Variants in LRRC9 observed in about 807,000 individuals in gnomAD.
LRRC9 encodes leucine rich repeat containing 9.
LRRC9 carries 122 observed loss-of-function variants against 63.2 expected under a neutral mutation model. The ratio of observed to expected loss-of-function variants is 1.93; its 90% CI spans 1.67 to 2.24. LRRC9 has a LOEUF of 2.24. Among genes scored for constraint, LRRC9 ranks in the 30% most tolerant of loss-of-function variants. The probability of loss-of-function intolerance (pLI) is 0.00; values close to 1 mark genes in which losing one functional copy is unlikely to be tolerated. For missense variants in LRRC9, 1,071 were observed against 627.7 expected (o/e 1.71, Z -7.55); for synonymous variants, 366 against 213.1 (o/e 1.72, Z -6.25).
At chr14:60,007,155 C>T (rs534127046) in intron 22 of LRRC9, among the ~76,000 whole-genome samples, 122 of 152,288 alleles carry the variant, frequency 8.0e-4, no homozygotes, top group African/African-American at 2.8e-3. Flanking sequence ...ACTGGCCTGT[C>T]CTTTTGCTGA....
chr14:60,018,392 C>G, exon 25 of LRRC9: 1 of 700,162 alleles, frequency 1.4e-6, no homozygotes, highest in East Asian at 2.7e-5. Context: ...TGATTCCAGT[C>G]GACCAATTTA....
intron 8 of LRRC9, among the ~76,000 whole-genome samples, chr14:59,953,399 C>G (rs1883383125): frequency 6.6e-6 from 1 of 152,184 alleles, no homozygotes; most frequent in Non-Finnish European, 1.5e-5. Context: ...TTGCATTTCT[C>G]TAATGACCAG....
At chr14:59,987,933 T>G (rs1237965856) in intron 17 of LRRC9, among the ~76,000 whole-genome samples, 1 of 152,232 alleles carries the variant, frequency 6.6e-6, no homozygotes, top group East Asian at 1.9e-4. Context: ...ATAATGAATT[T>G]GTTCCCTATC....
downstream of LRRC9, among the ~76,000 whole-genome samples, chr14:60,066,641 C>T (rs456443): frequency 0.75 from 113,647 of 152,148 alleles, 44,569 homozygotes; most frequent in Non-Finnish European, 0.87. Flanking sequence ...GAAAAACCTA[C>T]GCTGAACTGC....
At chr14:59,951,069 C>T (rs1178394247) in intron 8 of LRRC9, among the ~76,000 whole-genome samples, 1 of 61,970 alleles carries the variant, frequency 1.6e-5, no homozygotes, top group African/African-American at 8.9e-5. Context: ...GGGAAGTTCT[C>T]CTGGATAATA....
chr14:60,055,906 G>GAAA (rs11395416), intron 30 of LRRC9, among the ~76,000 whole-genome samples: 10 of 140,654 alleles, frequency 7.1e-5, no homozygotes, highest in Admixed American at 2.1e-4. Flanking sequence ...CCCTGTCTTG[G>GAAA]AAAAAAAAAA....
At chr14:59,970,494 G>A (rs983097901) in intron 12 of LRRC9, among the ~76,000 whole-genome samples, 3 of 152,164 alleles carry the variant, frequency 2.0e-5, no homozygotes, top group African/African-American at 7.2e-5. Flanking sequence ...TTAGGTCTTT[G>A]AGGAATCATC....
intron 1 of LRRC9, among the ~76,000 whole-genome samples, chr14:59,924,546 C>A (rs1889044558): frequency 6.6e-6 from 1 of 152,146 alleles, no homozygotes; most frequent in African/African-American, 2.4e-5. Context: ...CACCCTACTC[C>A]AATCACCATC....
intron 21 of LRRC9, among the ~76,000 whole-genome samples, chr14:60,005,971 C>T (rs770179825): frequency 3.3e-5 from 5 of 152,064 alleles, no homozygotes; most frequent in Non-Finnish European, 7.4e-5. Context: ...CATTTTAATA[C>T]AAACGATGCA....
At chr14:60,002,543 A>G (rs1170632033) in intron 20 of LRRC9, among the ~76,000 whole-genome samples, 3 of 152,214 alleles carry the variant, frequency 2.0e-5, no homozygotes, top group Admixed American at 6.5e-5. Context: ...ATATCAAGTT[A>G]TACATCTTTA....
At chr14:60,047,071 G>C (rs1349007879) in intron 29 of LRRC9, among the ~76,000 whole-genome samples, 1 of 152,066 alleles carries the variant, frequency 6.6e-6, no homozygotes, top group African/African-American at 2.4e-5. Flanking sequence ...GCCTGCTGTT[G>C]ATGTATAGGA....
rs190339237 is a variant in LRRC9, at chr14:59,986,401, T to A, written c.2211+1177T>A. On this transcript the variant is annotated intron_variant, in intron 17 of 31. Coordinates refer to ENST00000445360, the Ensembl canonical transcript of LRRC9. This position sits in a 1 kb window ranked among gnomAD's most constrained non-coding sequence, Gnocchi z 4.7. ...GCCTTTACATTATTTCTTCTACCAT[T>A]GTAATGGGAGCTGTTTCTTTTACTT... 2.4e-4 allele frequency among the ~76,000 whole-genome samples: 37 copies of A among 152,268 alleles called. No individual in the cohort carries two copies. In the East Asian group the frequency reaches 4.4e-3, roughly 18 times the overall value.
intron 23 of LRRC9, among the ~76,000 whole-genome samples, chr14:60,015,020 G>C (rs1890564726): frequency 1.3e-5 from 2 of 151,946 alleles, no homozygotes; most frequent in Admixed American, 1.3e-4. Flanking sequence ...CTATTGTTCT[G>C]TCTTCAAGTT....
chr14:60,033,978 AT>A (rs1215910181), intron 29 of LRRC9, among the ~76,000 whole-genome samples: 1 of 145,302 alleles, frequency 6.9e-6, no homozygotes, highest in African/African-American at 2.6e-5. Flanking sequence ...AAGTTGTATT[AT>A]CTAGAAAATT....
At chr14:59,968,793 T>G (rs1885143630) in intron 12 of LRRC9, among the ~76,000 whole-genome samples, 1 of 152,182 alleles carries the variant, frequency 6.6e-6, no homozygotes, top group Non-Finnish European at 1.5e-5. Context: ...TACTTTATCT[T>G]CTGCATCTCC....
Position 60,024,208 on chromosome 14 carries a change from G to A in LRRC9, c.3703+1338G>A, listed in dbSNP as rs1032411251. Among the ~76,000 whole-genome samples the A allele has an allele frequency of 5.9e-5, 9 of 152,214 alleles. No homozygotes were observed. The East Asian group carries it at 1.5e-3, about 26-fold the overall frequency. ...ACGGTATTTCTGGTTCTAGATCCTT[G>A]AGGAATTGCCACACTGTCTTCCACA... On this transcript the variant is annotated intron_variant, in intron 27 of 31. Coordinates refer to ENST00000445360, the Ensembl canonical transcript of LRRC9.
chr14:59,942,589 G>A lies in LRRC9; in HGVS notation c.727-2000G>A, dbSNP rs974302554. 2.0e-5 allele frequency among the ~76,000 whole-genome samples: 3 copies of A among 152,104 alleles called. No homozygotes were observed. Among genetic ancestry groups the A allele is most frequent in the Non-Finnish European group, 2.9e-5 (2 of 67,992 alleles). ...AAAATACAATAAAAATTAGCCAGGC[G>A]TGGTGGCAGGTGCCTGTAATACCAG... On this transcript the variant is annotated intron_variant, in intron 7 of 31. Transcript: ENST00000445360. The surrounding 1 kb of genome is among the most constrained non-coding windows in gnomAD (Gnocchi z 5.3).
intron 31 of LRRC9, 57 bp from the exon 33 acceptor site, chr14:60,063,266 G>T: frequency 1.5e-6 from 1 of 685,790 alleles, no homozygotes; most frequent in South Asian, 1.6e-5. Flanking sequence ...TAAGTTAGCT[G>T]ATCCATTACA....
Position 59,932,969 on chromosome 14 carries a change from C to T in LRRC9, c.543+930C>T, listed in dbSNP as rs1056090102. Among the ~76,000 whole-genome samples the T allele has an allele frequency of 6.6e-6, 1 of 152,142 alleles. No individual in the cohort carries two copies. The highest frequency in any genetic ancestry group is 2.4e-5 in the African/African-American group (1 of 41,438). On this transcript the variant is annotated intron_variant, in intron 6 of 31. Coordinates refer to ENST00000445360, the Ensembl canonical transcript of LRRC9. This position sits in a 1 kb window ranked among gnomAD's most constrained non-coding sequence, Gnocchi z 4.7. ...AAGACTACCTAATCTAGCCACCCCA[C>T]CACCCCTACCTATCTCTTTGACTAC...
Sources: gnomAD v4.1 joint callset for allele counts (sites outside exome capture counted in the v4.1 genomes callset) on GRCh38, gnomAD v4.1.1 for gene constraint, Gnocchi (gnomAD v3.1) non-coding constraint, MANE v1.5 for transcripts, NCBI Gene and HGNC (gene_info 2026-07-23, HGNC 2026-07-21) for gene names.